EPHA6: variants seen among roughly 807,000 people sequenced by gnomAD.
EPHA6 encodes the protein ephrin type-A receptor 6.
EPHA6 carries 50 observed loss-of-function variants against 112.0 expected under a neutral mutation model. The observed-to-expected ratio is 0.45, with a 90% confidence interval of 0.36 to 0.56. The LOEUF is 0.56. EPHA6 is among the 20% of genes least tolerant of loss of function. The probability of loss-of-function intolerance (pLI) is 0.00; values close to 1 mark genes in which losing one functional copy is unlikely to be tolerated. For synonymous variants in EPHA6, 529 were observed against 490.7 expected, an observed-to-expected ratio of 1.08 and a Z score of -1.03; for missense variants, 1,280 against 1,417.4, an observed-to-expected ratio of 0.90 and a Z score of 1.56.
chr3:97,650,064 A>G (rs1279558686), intron 14 of EPHA6, among the ~76,000 whole-genome samples: 1 of 152,174 alleles, frequency 6.6e-6, no homozygotes, highest in South Asian at 2.1e-4. Context: ...AAAAATTAGT[A>G]GTCTCCACAT....
intron 7 of EPHA6, among the ~76,000 whole-genome samples, chr3:97,460,458 C>T (rs2090849790): frequency 1.3e-5 from 2 of 152,224 alleles, no homozygotes; most frequent in South Asian, 4.1e-4. Context: ...GACAAAAATC[C>T]CTGCTGTCCT....
At chr3:97,028,083 G>C (rs2044704433) in intron 3 of EPHA6, among the ~76,000 whole-genome samples, 1 of 152,070 alleles carries the variant, frequency 6.6e-6, no homozygotes, top group Non-Finnish European at 1.5e-5. Flanking sequence ...TCCAAAAGTG[G>C]GAAATAAAAG....
chr3:97,487,978 C>T (rs1019309147), intron 10 of EPHA6, among the ~76,000 whole-genome samples: 7 of 152,154 alleles, frequency 4.6e-5, no homozygotes, highest in African/African-American at 1.2e-4. Flanking sequence ...CAATTTTAAT[C>T]ATGGTCTGAA....
At chr3:96,887,569 C>T (rs1038907058) in intron 2 of EPHA6, among the ~76,000 whole-genome samples, 1 of 152,136 alleles carries the variant, frequency 6.6e-6, no homozygotes, top group Non-Finnish European at 1.5e-5. Flanking sequence ...TGCTGGTTGG[C>T]CTCCTGCCGG....
intron 10 of EPHA6, among the ~76,000 whole-genome samples, chr3:97,488,062 A>G (rs1324940509): frequency 3.3e-5 from 5 of 152,344 alleles, no homozygotes; most frequent in African/African-American, 7.2e-5. Context: ...CTTGCCTGGC[A>G]GAGTATAATT....
intron 14 of EPHA6, among the ~76,000 whole-genome samples, chr3:97,711,332 T>G (rs899559821): frequency 2.6e-5 from 4 of 151,886 alleles, no homozygotes; most frequent in Non-Finnish European, 4.4e-5. Flanking sequence ...AATTGCCCAG[T>G]CTCGGGTATG....
intron 3 of EPHA6, among the ~76,000 whole-genome samples, chr3:97,213,756 G>A (rs1415580313): frequency 6.6e-6 from 1 of 152,144 alleles, no homozygotes; most frequent in African/African-American, 2.4e-5. Context: ...AGATTTTACA[G>A]TTAAGCGGGA....
At chr3:97,156,537 GA>G (rs1045794157) in intron 3 of EPHA6, among the ~76,000 whole-genome samples, 3 of 151,632 alleles carry the variant, frequency 2.0e-5, no homozygotes, top group Non-Finnish European at 2.9e-5. Flanking sequence ...GAGATACAAT[GA>G]AAAAAAATTA....
chr3:97,196,385 C>G (rs1355838118), intron 3 of EPHA6, among the ~76,000 whole-genome samples: 1 of 151,862 alleles, frequency 6.6e-6, no homozygotes, highest in East Asian at 1.9e-4. Context: ...AATTCTTTCC[C>G]TGTGTTATCC....
At chr3:97,612,457 A>G in intron 13 of EPHA6, 1 of 384,632 alleles carries the variant, frequency 2.6e-6, no homozygotes, top group South Asian at 2.0e-5. Flanking sequence ...GGATCAAATG[A>G]CTACCACAAG....
chr3:96,866,707 C>T lies in EPHA6; in HGVS notation c.386-118C>T, dbSNP rs1265861413. 9 of 473,374 alleles carry T rather than the reference C, an allele frequency of 1.9e-5. No homozygotes were observed. The Admixed American group carries it at 3.4e-4, about 18-fold the overall frequency. 29.3% of individuals were successfully genotyped at this position (473,374 alleles called of 1,614,324 possible). A position where few individuals can be genotyped will look rare whatever the true frequency, so the allele number is the denominator to read the frequency against. On this transcript the variant is annotated intron_variant, in intron 1 of 17. Coordinates refer to ENST00000389672, the MANE Select transcript of EPHA6 (RefSeq NM_001080448.3). ...TGAAGATAACTCATTAAACTTAATT[C>T]AGTGAATAATAGTAAGTGTAATTGA... is the stretch of plus-strand genomic sequence containing the variant.
At chr3:96,949,572 A>G (rs944553259) in intron 2 of EPHA6, among the ~76,000 whole-genome samples, 5 of 152,150 alleles carry the variant, frequency 3.3e-5, no homozygotes, top group African/African-American at 1.2e-4. Flanking sequence ...AAACCTCTCT[A>G]AATAATAAGG....
intron 7 of EPHA6, among the ~76,000 whole-genome samples, chr3:97,458,912 C>CT (rs1256216165): frequency 6.6e-6 from 1 of 152,122 alleles, no homozygotes; most frequent in East Asian, 1.9e-4. Context: ...AACCAGTTCC[C>CT]TGCTTTCACA....
At chr3:96,910,875 A>G (rs2039182577) in intron 2 of EPHA6, among the ~76,000 whole-genome samples, 1 of 152,102 alleles carries the variant, frequency 6.6e-6, no homozygotes, top group Non-Finnish European at 1.5e-5. Context: ...CACTGTATGT[A>G]TAATTTCTGT....
At chr3:97,037,654 A>G (rs1446287996) in intron 3 of EPHA6, among the ~76,000 whole-genome samples, 1 of 152,070 alleles carries the variant, frequency 6.6e-6, no homozygotes, top group African/African-American at 2.4e-5. Flanking sequence ...GGAAGGTGAT[A>G]TAATTTGAAA....
At chr3:97,516,312 C>A (rs1435878207) in intron 10 of EPHA6, among the ~76,000 whole-genome samples, 1 of 152,180 alleles carries the variant, frequency 6.6e-6, no homozygotes, top group Non-Finnish European at 1.5e-5. Flanking sequence ...CGTTGGTCTA[C>A]TCCTCCTACT....
chr3:97,630,854 A>G (rs2093896851), intron 13 of EPHA6, among the ~76,000 whole-genome samples: 1 of 151,950 alleles, frequency 6.6e-6, no homozygotes, highest in South Asian at 2.1e-4. Flanking sequence ...GTCCTCAAAT[A>G]TAAAACTTTT....
intron 7 of EPHA6, among the ~76,000 whole-genome samples, chr3:97,449,656 A>G (rs925524194): frequency 6.6e-6 from 1 of 152,088 alleles, no homozygotes; most frequent in Non-Finnish European, 1.5e-5. Context: ...GAAAATAGAA[A>G]CCTAAAGGAG....
intron 3 of EPHA6, among the ~76,000 whole-genome samples, chr3:97,214,337 G>T (rs902398812): frequency 6.6e-6 from 1 of 151,896 alleles, no homozygotes; most frequent in Non-Finnish European, 1.5e-5. Context: ...ACCTCACCTG[G>T]CTTCATGTAT....
Sources: gnomAD v4.1 joint callset for allele counts (sites outside exome capture counted in the v4.1 genomes callset) on GRCh38, gnomAD v4.1.1 for gene constraint, MANE v1.5 for transcripts, NCBI Gene and HGNC (gene_info 2026-07-23, HGNC 2026-07-21) for gene names.